Variants in CTNND2 observed in about 807,000 individuals in gnomAD.
The protein encoded by CTNND2 is catenin delta 2.
Under a neutral mutation model 144.4 loss-of-function variants are expected in CTNND2, and 22 were observed. That is an observed-to-expected ratio of 0.15 (90% confidence interval 0.11 to 0.22). The LOEUF (loss-of-function observed/expected upper bound fraction) is 0.22, where lower values mean the gene tolerates loss of function less well. CTNND2 is among the 10% of genes least tolerant of loss of function. The pLI, the probability that CTNND2 is intolerant of heterozygous loss-of-function variation, is 1.00. For synonymous variants in CTNND2, 751 were observed against 695.6 expected (o/e 1.08, Z -1.25); for missense variants, 1,353 against 1,618.8 (o/e 0.84, Z 2.82).
intron 21 of CTNND2, among the ~76,000 whole-genome samples, chr5:10,974,773 C>T (rs369377776): frequency 2.0e-5 from 3 of 152,284 alleles, no homozygotes; most frequent in Non-Finnish European, 2.9e-5. Context: ...AGCACGGAAA[C>T]GTTCTCTAGA....
At chr5:11,650,940 C>T (rs1363279082) in intron 2 of CTNND2, among the ~76,000 whole-genome samples, 5 of 152,122 alleles carry the variant, frequency 3.3e-5, no homozygotes, top group African/African-American at 7.2e-5. Context: ...TGCAGCCTAA[C>T]CATGTGGTAG....
chr5:10,987,224 A>G (rs191310984), intron 20 of CTNND2, among the ~76,000 whole-genome samples: 62 of 152,320 alleles, frequency 4.1e-4, no homozygotes, highest in Middle Eastern at 6.8e-3. Flanking sequence ...GAGGAGGGCC[A>G]TCCAGGGAGA....
intron 3 of CTNND2, among the ~76,000 whole-genome samples, chr5:11,481,362 T>G (rs1768247626): frequency 6.6e-6 from 1 of 152,188 alleles, no homozygotes; most frequent in African/African-American, 2.4e-5. Flanking sequence ...ACCCTAATCC[T>G]GGCTCTATCA....
At chr5:11,791,990 G>A (rs1791157245) in intron 1 of CTNND2, among the ~76,000 whole-genome samples, 2 of 152,136 alleles carry the variant, frequency 1.3e-5, no homozygotes, top group South Asian at 4.1e-4. Flanking sequence ...GTGGGTGACT[G>A]CATTTAACAT....
At chr5:11,011,984 A>G (rs1251842392) in intron 18 of CTNND2, among the ~76,000 whole-genome samples, 1 of 152,078 alleles carries the variant, frequency 6.6e-6, no homozygotes, top group Non-Finnish European at 1.5e-5. Context: ...GTGACTAGTG[A>G]TGATGATGAT....
At chr5:11,014,399 G>A (rs549311326) in intron 18 of CTNND2, among the ~76,000 whole-genome samples, 6 of 152,148 alleles carry the variant, frequency 3.9e-5, no homozygotes, top group South Asian at 4.2e-4. Flanking sequence ...ATGGCACATC[G>A]TCTTTTCCTT....
chr5:11,640,993 T>G (rs1161524516), intron 2 of CTNND2, among the ~76,000 whole-genome samples: 7 of 152,094 alleles, frequency 4.6e-5, no homozygotes, highest in African/African-American at 7.2e-5. Flanking sequence ...AATATGTTCG[T>G]TAATAAAACC....
intron 3 of CTNND2, among the ~76,000 whole-genome samples, chr5:11,478,373 T>C (rs1242469753): frequency 2.0e-5 from 3 of 152,214 alleles, no homozygotes; most frequent in Non-Finnish European, 2.9e-5. Context: ...GGCTCCCAAA[T>C]TGCTCATGTC....
chr5:11,361,490 C>T (rs140218990), intron 8 of CTNND2, among the ~76,000 whole-genome samples: 27 of 152,284 alleles, frequency 1.8e-4, no homozygotes, highest in African/African-American at 5.8e-4. Flanking sequence ...CCACACAACC[C>T]GTGTGACCTT....
chr5:11,355,138 A>G (rs1755727508), intron 8 of CTNND2, among the ~76,000 whole-genome samples: 1 of 152,166 alleles, frequency 6.6e-6, no homozygotes, highest in Non-Finnish European at 1.5e-5. Flanking sequence ...TATATCCAAA[A>G]AGAAGAAAGA....
chr5:11,035,667 G>A (rs1561206148), intron 16 of CTNND2, among the ~76,000 whole-genome samples: 1 of 152,212 alleles, frequency 6.6e-6, no homozygotes, highest in Non-Finnish European at 1.5e-5. Context: ...TAATATGAAT[G>A]TGTCTGTAAG....
chr5:11,408,857 C>A (rs908141279), intron 5 of CTNND2, among the ~76,000 whole-genome samples: 1 of 151,972 alleles, frequency 6.6e-6, no homozygotes, highest in Non-Finnish European at 1.5e-5. Context: ...ATTTGACTTA[C>A]AGAAAAAAAT....
At chr5:11,820,516 A>G (rs887959699) in intron 1 of CTNND2, among the ~76,000 whole-genome samples, 4 of 152,250 alleles carry the variant, frequency 2.6e-5, no homozygotes, top group African/African-American at 7.2e-5. Flanking sequence ...TCTATGGTGA[A>G]TTAGTAAAAT....
intron 21 of CTNND2, among the ~76,000 whole-genome samples, chr5:10,976,504 G>A (rs1156942205): frequency 3.3e-5 from 5 of 152,222 alleles, no homozygotes; most frequent in Admixed American, 2.0e-4. Flanking sequence ...ACGCAAGCCC[G>A]AAGCTTTTGC....
intron 2 of CTNND2, among the ~76,000 whole-genome samples, chr5:11,587,929 T>TA (rs1778980749): frequency 6.6e-6 from 1 of 151,990 alleles, no homozygotes; most frequent in Non-Finnish European, 1.5e-5. Context: ...TTTTTTTTTT[T>TA]AACTACAGTG....
At chr5:11,024,269 T>G (rs895920160) in intron 16 of CTNND2, among the ~76,000 whole-genome samples, 1 of 152,220 alleles carries the variant, frequency 6.6e-6, no homozygotes, top group African/African-American at 2.4e-5. Flanking sequence ...GAGAAAATGC[T>G]GATACTTAAA....
chr5:11,147,597 C>A (rs1757361532), intron 12 of CTNND2, among the ~76,000 whole-genome samples: 1 of 151,480 alleles, frequency 6.6e-6, no homozygotes, highest in African/African-American at 2.4e-5. Flanking sequence ...CTGTGTAGAG[C>A]CTTTCTCCTA....
At chr5:11,733,266 G>A (rs941226766) in intron 1 of CTNND2, among the ~76,000 whole-genome samples, 3 of 152,052 alleles carry the variant, frequency 2.0e-5, no homozygotes, top group Non-Finnish European at 4.4e-5. Context: ...ACAGTTTTGG[G>A]GACTGAACCC....
At chr5:11,246,432 T>C (rs972030743) in intron 9 of CTNND2, among the ~76,000 whole-genome samples, 9 of 151,256 alleles carry the variant, frequency 6.0e-5, no homozygotes, top group African/African-American at 1.7e-4. Flanking sequence ...AGAGAGGCAA[T>C]GTGAAGAGGA....
Sources: gnomAD v4.1 joint callset for allele counts (sites outside exome capture counted in the v4.1 genomes callset) on GRCh38, gnomAD v4.1.1 for gene constraint, MANE v1.5 for transcripts, NCBI Gene and HGNC (gene_info 2026-07-23, HGNC 2026-07-21) for gene names.